Variants in MTMR2 observed in about 807,000 individuals in gnomAD.
MTMR2 encodes phosphatidylinositol-3,5-bisphosphate 3-phosphatase MTMR2.
MTMR2 carries 55 observed loss-of-function variants against 86.9 expected under a neutral mutation model. That is an observed-to-expected ratio of 0.63 (90% CI 0.51 to 0.79). MTMR2 has a LOEUF of 0.79. Among genes scored for constraint, MTMR2 ranks in the 30% least tolerant of loss-of-function variants. The pLI is 0.00. For missense variants in MTMR2, 659 were observed against 772.3 expected (o/e 0.85, Z 1.74); for synonymous variants, 241 against 266.8 (o/e 0.90, Z 0.94).
chr11:95,901,397 C>T (rs1347149965), intron 1 of MTMR2, among the ~76,000 whole-genome samples: 2 of 152,162 alleles, frequency 1.3e-5, no homozygotes, highest in African/African-American at 4.8e-5. Context: ...GTCCCTTTCA[C>T]ATGCAAGTAC....
intron 1 of MTMR2, among the ~76,000 whole-genome samples, chr11:95,891,458 A>AAAAG (rs533839076): frequency 1.3e-5 from 2 of 151,772 alleles, no homozygotes; most frequent in East Asian, 3.8e-4. Flanking sequence ...CCAAAAAAAA[A>AAAAG]AAAGAAAGAA....
chr11:95,871,040 T>C (rs1864859637), intron 2 of MTMR2, among the ~76,000 whole-genome samples: 1 of 152,146 alleles, frequency 6.6e-6, no homozygotes. Flanking sequence ...TCCAGCTTCA[T>C]CCATGCCCCT....
intron 2 of MTMR2, among the ~76,000 whole-genome samples, chr11:95,878,920 GATC>G (rs1481389204): frequency 1.3e-5 from 2 of 152,062 alleles, no homozygotes; most frequent in Non-Finnish European, 2.9e-5. Flanking sequence ...GTTTTTAGAA[GATC>G]ATTATTCATT....
rs752050148 is a variant in MTMR2 at position 95,836,128 on chromosome 11, G to T, written c.1770+20C>A. The T allele has an allele frequency of 1.9e-6, 3 of 1,587,528 alleles. No homozygotes were observed. The highest frequency in any genetic ancestry group is 2.6e-6 in the Non-Finnish European group (3 of 1,158,500). On this transcript the variant is annotated intron_variant, in intron 14 of 14. Transcript: ENST00000346299. Reference sequence around the variant, plus strand: ...CACTGCATGAATGAAAACTCCCATTGTATATTGTAAGGCACATACCTGTGG... The same window carrying T: ...CACTGCATGAATGAAAACTCCCATTTTATATTGTAAGGCACATACCTGTGG...
At chr11:95,867,892 A>T (rs1864676799) in intron 2 of MTMR2, among the ~76,000 whole-genome samples, 1 of 152,192 alleles carries the variant, frequency 6.6e-6, no homozygotes, top group Non-Finnish European at 1.5e-5. Flanking sequence ...TCTTCTGAAA[A>T]TAATTCTCTA....
chr11:95,873,666 T>C (rs1864983134), intron 2 of MTMR2, among the ~76,000 whole-genome samples: 1 of 151,946 alleles, frequency 6.6e-6, no homozygotes, highest in Non-Finnish European at 1.5e-5. Flanking sequence ...CTTGCTTCTC[T>C]AGTTCTTTTA....
In MTMR2 at chr11:95,838,183, C is replaced by T; in HGVS notation, c.1504G>A (p.Glu502Lys). The T allele has an allele frequency of 6.2e-7, 1 of 1,605,892 alleles. No homozygotes were observed. The highest frequency in any genetic ancestry group is 8.5e-7 in the Non-Finnish European group (1 of 1,172,980). The stretch of plus-strand genomic sequence containing the variant: ...TCCAAAATGGTAATGAGAAAATACT[C>T]ATTGAATTCAAATGCGGTAGGAAAC... ...RQFPTAFEFN[E>K]YFLITILDHL... The change falls in exon 13 of 15, where the codon GAG becomes AAG. Residue 502 changes from glutamate (E) to lysine (K), a missense_variant. By Grantham distance (56) the Glu-to-Lys change is moderately conservative. Coordinates refer to ENST00000346299, the MANE Select transcript of MTMR2 (RefSeq NM_016156.6).
intron 5 of MTMR2, among the ~76,000 whole-genome samples, chr11:95,861,424 T>G (rs1341631881): frequency 6.8e-6 from 1 of 148,074 alleles, no homozygotes; most frequent in Non-Finnish European, 1.5e-5. Context: ...ATTATTATTA[T>G]TATTATTATT....
chr11:95,900,244 C>A (rs960565383), intron 1 of MTMR2, among the ~76,000 whole-genome samples: 1 of 152,040 alleles, frequency 6.6e-6, no homozygotes, highest in African/African-American at 2.4e-5. Flanking sequence ...ATTAAGCAAG[C>A]AGAAATACAG....
Position 95,865,705 on chromosome 11 carries a change from A to AT in MTMR2, c.187-30dup, listed in dbSNP as rs781776839. On this transcript the variant is annotated intron_variant, in intron 2 of 14. Coordinates refer to ENST00000346299, the MANE Select transcript of MTMR2 (RefSeq NM_016156.6). ...GGGTGGGAAAGACAAAAAAAGAAAC[A>AT]TTTTTTTATTCAAAGGCTACTTTTT... The AT allele has an allele frequency of 7.7e-6, 12 of 1,559,564 alleles. No individual in the cohort carries two copies. In the African/African-American group the frequency reaches 1.1e-4, roughly 14 times the overall value.
chr11:95,906,722 A>G (rs1340368259), intron 1 of MTMR2, among the ~76,000 whole-genome samples: 1 of 152,216 alleles, frequency 6.6e-6, no homozygotes, highest in Non-Finnish European at 1.5e-5. Flanking sequence ...ATAGAAATCA[A>G]TACTAAGAAG....
intron 12 of MTMR2, among the ~76,000 whole-genome samples, chr11:95,840,559 T>C (rs776953536): frequency 5.3e-5 from 8 of 152,144 alleles, no homozygotes; most frequent in Non-Finnish European, 8.8e-5. Context: ...TGTATACACC[T>C]TTTCAGTATA....
Position 95,841,695 on chromosome 11 carries a change from T to G in MTMR2, c.1401A>C (p.Gly467=). 6.2e-7 allele frequency: 1 copy of G among 1,612,910 alleles called. No homozygotes were observed. Among genetic ancestry groups the G allele is most frequent in the Non-Finnish European group, 8.5e-7 (1 of 1,178,958 alleles). Reference sequence around the variant, plus strand: ...TGTCTGCATCTGCATGGTTCTTATCTCCATGGCCAACTCTCTGAAGCAAAA... The same window carrying G: ...TGTCTGCATCTGCATGGTTCTTATCGCCATGGCCAACTCTCTGAAGCAAAA... ...GHRFQLRVGH[G]DKNHADADRS... Residue 467 remains glycine, a synonymous_variant, in exon 12 of 15, where the codon GGA becomes GGC. Coordinates refer to ENST00000346299, the MANE Select transcript of MTMR2 (RefSeq NM_016156.6).
chr11:95,860,393 G>A (rs1864366988), intron 5 of MTMR2, among the ~76,000 whole-genome samples: 2 of 151,942 alleles, frequency 1.3e-5, no homozygotes, highest in African/African-American at 2.4e-5. Flanking sequence ...CCCAGCTACT[G>A]AGGAGGCTGA....
intron 1 of MTMR2, among the ~76,000 whole-genome samples, chr11:95,902,164 G>A (rs920300653): frequency 6.6e-6 from 1 of 152,126 alleles, no homozygotes; most frequent in Admixed American, 6.5e-5. Context: ...CTACCTCTCT[G>A]AATCTCAGTT....
chr11:95,858,333 A>C (rs961966453), intron 6 of MTMR2, among the ~76,000 whole-genome samples, 198 bp downstream of exon 6: 1 of 152,222 alleles, frequency 6.6e-6, no homozygotes. Flanking sequence ...AATGGACCTC[A>C]GAAATCAGCT....
chr11:95,859,035 C>G (rs1864310275), intron 5 of MTMR2, among the ~76,000 whole-genome samples: 1 of 152,128 alleles, frequency 6.6e-6, no homozygotes, highest in South Asian at 2.1e-4. Flanking sequence ...ATTTATAAAA[C>G]CTGATTAGTA....
intron 2 of MTMR2, among the ~76,000 whole-genome samples, chr11:95,870,723 C>CTTTTTTTTT (rs1002042311): frequency 8.1e-6 from 1 of 124,012 alleles, no homozygotes; most frequent in African/African-American, 3.9e-5. Context: ...TTTTAAGGTT[C>CTTTTTTTTT]TTTTTTTCTT....
At chr11:95,866,398 C>T (rs951968106) in intron 2 of MTMR2, 3 of 152,194 alleles carry the variant, frequency 2.0e-5, no homozygotes, top group Non-Finnish European at 1.5e-5. Flanking sequence ...TCCCACCTCT[C>T]TCACCATCAA....
Sources: allele counts gnomAD v4.1 joint callset (sites outside exome capture counted in the v4.1 genomes callset), GRCh38; gene constraint gnomAD v4.1.1; transcripts MANE v1.5; gene names NCBI Gene and HGNC (gene_info 2026-07-23, HGNC 2026-07-21).